Variants in AKAP19 observed in about 807,000 individuals in gnomAD.
The protein encoded by AKAP19 is A-kinase anchoring protein 19.
chr2:190,105,271 A>G, the AKAP19 span, among the ~76,000 whole-genome samples: 3 of 152,198 alleles, frequency 2.0e-5, no homozygotes, highest in Admixed American at 6.5e-5. Context: ...AAAATGTGAT[A>G]TATATATCTC....
chr2:190,008,343 A>C, the AKAP19 span, among the ~76,000 whole-genome samples: 1 of 152,190 alleles, frequency 6.6e-6, no homozygotes, highest in Non-Finnish European at 1.5e-5. Flanking sequence ...CTTTTAAAAA[A>C]TAAAAGGACA....
chr2:189,911,143 T>G, the AKAP19 span, among the ~76,000 whole-genome samples: 1 of 152,080 alleles, frequency 6.6e-6, no homozygotes, highest in Non-Finnish European at 1.5e-5. Context: ...CTTAGTGTCT[T>G]TAGAATTTAC....
the AKAP19 span, among the ~76,000 whole-genome samples, chr2:190,125,243 T>C: frequency 6.6e-6 from 1 of 152,152 alleles, no homozygotes; most frequent in Non-Finnish European, 1.5e-5. Context: ...TGTAATGATA[T>C]CCCTAGGTGA....
At chr2:190,156,794 A>G in the AKAP19 span, among the ~76,000 whole-genome samples, 10 of 152,206 alleles carry the variant, frequency 6.6e-5, no homozygotes, top group Admixed American at 5.2e-4. Flanking sequence ...GTACTCTCAT[A>G]TATGTGGAAA....
At chr2:189,889,858 ATCT>A in the AKAP19 span, among the ~76,000 whole-genome samples, 2 of 151,834 alleles carry the variant, frequency 1.3e-5, no homozygotes, top group South Asian at 2.1e-4. Flanking sequence ...TATTTTGTTA[ATCT>A]TCTCAAAAAA....
the AKAP19 span, chr2:190,180,443 C>G: frequency 1.0e-6 from 1 of 984,538 alleles, no homozygotes; most frequent in Non-Finnish European, 1.2e-6. This position sits in a 1 kb window ranked among gnomAD's most constrained non-coding sequence, Gnocchi z 6.8. Flanking sequence ...GGGGCCGAGA[C>G]CAGGGGCAGG....
the AKAP19 span, among the ~76,000 whole-genome samples, chr2:190,063,281 G>A: frequency 3.3e-5 from 5 of 151,978 alleles, no homozygotes; most frequent in Admixed American, 2.6e-4. Context: ...CTTGTTTTCT[G>A]ACTAAATTCT....
chr2:190,177,637 C>T, the AKAP19 span, among the ~76,000 whole-genome samples: 1 of 152,214 alleles, frequency 6.6e-6, no homozygotes, highest in South Asian at 2.1e-4. The surrounding 1 kb of genome is among the most constrained non-coding windows in gnomAD (Gnocchi z 4.6). Flanking sequence ...GTTAAAGGTG[C>T]TCGTTTAAGT....
the AKAP19 span, among the ~76,000 whole-genome samples, chr2:189,883,394 CA>C: frequency 1.3e-3 from 198 of 152,202 alleles, 1 homozygote; most frequent in Middle Eastern, 6.8e-3. Context: ...TAGAAGATCT[CA>C]ACCTGACTAT....
At chr2:190,047,369 G>A in the AKAP19 span, among the ~76,000 whole-genome samples, 3 of 152,070 alleles carry the variant, frequency 2.0e-5, no homozygotes, top group Admixed American at 6.5e-5. Context: ...GCTAACAGAC[G>A]TCTCCTCCTC....
At chr2:190,076,031 G>A in the AKAP19 span, among the ~76,000 whole-genome samples, 10 of 151,790 alleles carry the variant, frequency 6.6e-5, no homozygotes, top group East Asian at 7.7e-4. Flanking sequence ...TTACTGCTTC[G>A]TGTGTGATTG....
chr2:190,157,100 G>A, the AKAP19 span, among the ~76,000 whole-genome samples: 1 of 152,024 alleles, frequency 6.6e-6, no homozygotes, highest in African/African-American at 2.4e-5. Flanking sequence ...GACTTCCCTT[G>A]AGCTAGGCCC....
the AKAP19 span, among the ~76,000 whole-genome samples, chr2:190,049,862 G>A: frequency 6.6e-6 from 1 of 152,142 alleles, no homozygotes; most frequent in African/African-American, 2.4e-5. Context: ...TATATTTAGG[G>A]ATACACATAT....
At chr2:189,945,262 C>G in the AKAP19 span, among the ~76,000 whole-genome samples, 2 of 152,142 alleles carry the variant, frequency 1.3e-5, no homozygotes, top group African/African-American at 4.8e-5. Context: ...ATAAATGTAA[C>G]TGAGACCAAA....
chr2:190,033,308 A>T, the AKAP19 span, among the ~76,000 whole-genome samples: 1 of 152,220 alleles, frequency 6.6e-6, no homozygotes, highest in Non-Finnish European at 1.5e-5. Context: ...GTCTTCTTTA[A>T]CTAGCAAACT....
At chr2:190,152,249 A>G in the AKAP19 span, among the ~76,000 whole-genome samples, 1 of 152,216 alleles carries the variant, frequency 6.6e-6, no homozygotes, top group Non-Finnish European at 1.5e-5. Context: ...TAATACTTTT[A>G]TCATTTCATT....
chr2:189,986,905 TG>T, the AKAP19 span, among the ~76,000 whole-genome samples: 1 of 152,064 alleles, frequency 6.6e-6, no homozygotes, highest in Non-Finnish European at 1.5e-5. Flanking sequence ...TTGTTTCAGA[TG>T]GCCTCAAAGT....
the AKAP19 span, among the ~76,000 whole-genome samples, chr2:189,910,914 A>C: frequency 6.6e-6 from 1 of 152,086 alleles, no homozygotes; most frequent in African/African-American, 2.4e-5. Flanking sequence ...AGCACTGTTC[A>C]CATTTAAAGG....
the AKAP19 span, among the ~76,000 whole-genome samples, chr2:190,160,314 G>A: frequency 3.3e-5 from 5 of 149,756 alleles, no homozygotes; most frequent in Admixed American, 1.3e-4. Context: ...CTACCTGTCT[G>A]GATGGCACTA....
Sources: gnomAD v4.1 joint callset for allele counts (sites outside exome capture counted in the v4.1 genomes callset) on GRCh38, gnomAD v4.1.1 for gene constraint, Gnocchi (gnomAD v3.1) non-coding constraint, MANE v1.5 for transcripts, NCBI Gene and HGNC (gene_info 2026-07-23, HGNC 2026-07-21) for gene names.